TAS1R1: variants seen among roughly 807,000 people sequenced by gnomAD.
The protein encoded by TAS1R1 is taste receptor type 1 member 1.
In TAS1R1, 31 loss-of-function variants were observed where a neutral mutation model predicts 45.8. That is an observed-to-expected ratio of 0.68 (90% CI 0.51 to 0.91). The LOEUF (loss-of-function observed/expected upper bound fraction) is 0.91. Among genes scored for constraint, TAS1R1 ranks in the 40% least tolerant of loss-of-function variants. The pLI, the probability that TAS1R1 is intolerant of heterozygous loss-of-function variation, is 0.00. For missense variants in TAS1R1, 1,051 were observed against 1,063.9 expected, an observed-to-expected ratio of 0.99 and a Z score of 0.17; for synonymous variants, 437 against 448.4, an observed-to-expected ratio of 0.97 and a Z score of 0.32.
intron 1 of TAS1R1, among the ~76,000 whole-genome samples, chr1:6,570,688 C>A (rs1215543938): frequency 6.6e-6 from 1 of 152,192 alleles, no homozygotes; most frequent in African/African-American, 2.4e-5. Flanking sequence ...GGTTTCTCTG[C>A]TCCAGGACTT....
chr1:6,578,773 C>CAGCTAACACGCTGCTGCTGCT lies in TAS1R1; in HGVS notation c.1716_1736dup (p.Ala573_Leu579dup). 6 of 1,613,158 alleles carry CAGCTAACACGCTGCTGCTGCT rather than the reference C, an allele frequency of 3.7e-6. No individual in the cohort carries two copies. Among genetic ancestry groups the CAGCTAACACGCTGCTGCTGCT allele is most frequent in the Non-Finnish European group, 5.1e-6 (6 of 1,180,004 alleles). On this transcript the variant is annotated inframe_insertion, in exon 6 of 6. Coordinates refer to ENST00000333172, the MANE Select transcript of TAS1R1 (RefSeq NM_138697.4). Reference sequence around the variant, plus strand: ...GAGCACACCTCTTGGGTGCTGCTGGCAGCTAACACGCTGCTGCTGCTGCTG... The same window carrying CAGCTAACACGCTGCTGCTGCT: ...GAGCACACCTCTTGGGTGCTGCTGGCAGCTAACACGCTGCTGCTGCTAGCTAACACGCTGCTGCTGCTGCTG...
intron 1 of TAS1R1, among the ~76,000 whole-genome samples, chr1:6,570,671 T>C (rs1316695962): frequency 1.3e-5 from 2 of 152,204 alleles, no homozygotes; most frequent in African/African-American, 2.4e-5. Context: ...CACTGACTAA[T>C]GTAGCAGGTT....
chr1:6,575,428 G>A (rs1640142502), intron 3 of TAS1R1, 36 bp downstream of exon 3: 9 of 1,519,500 alleles, frequency 5.9e-6, no homozygotes, highest in Non-Finnish European at 7.0e-6. Flanking sequence ...CTGTCAGGGA[G>A]AACAGCCAAT....
Position 6,579,174 on chromosome 1 carries a change from G to A in TAS1R1, c.2116G>A (p.Ala706Thr), listed in dbSNP as rs753396925. 2 of 1,614,202 alleles carry A rather than the reference G, an allele frequency of 1.2e-6. No individual in the cohort carries two copies. Among genetic ancestry groups the A allele is most frequent in the Non-Finnish European group, 1.7e-6 (2 of 1,180,040 alleles). Reference protein sequence around the residue: ...TWLVVWTPLPAREYQRFPHLV... With the variant: ...TWLVVWTPLPTREYQRFPHLV... ...GCTGGTGGTGTGGACCCCACTGCCT[G>A]CTAGGGAATACCAGCGCTTCCCCCA... The change falls in exon 6 of 6, where the codon GCT (alanine) becomes ACT (threonine). Residue 706 changes from alanine to threonine, a missense_variant. Physicochemically the swap from Ala to Thr is moderately conservative, Grantham distance 58. Transcript: ENST00000333172.
intron 5 of TAS1R1, among the ~76,000 whole-genome samples, chr1:6,577,895 G>C (rs571173362): frequency 6.6e-6 from 1 of 152,276 alleles, no homozygotes; most frequent in East Asian, 1.9e-4. Flanking sequence ...TCCTCTGTTA[G>C]AGAGCTGTCA....
At position 6,577,193 on chromosome 1, in the gene TAS1R1, G is replaced by A; in HGVS notation, c.1594+123G>A. 2.8e-5 allele frequency: 40 copies of A among 1,425,984 alleles called. 1 individual carries two copies. Among genetic ancestry groups the A allele is most frequent in the Non-Finnish European group, 3.7e-5 (39 of 1,057,320 alleles). The allele number at this position is 1,425,984 out of a possible 1,614,324, so 88.3% of individuals were successfully genotyped here. On this transcript the variant is annotated intron_variant, in intron 5 of 5. Coordinates refer to ENST00000333172, the MANE Select transcript of TAS1R1 (RefSeq NM_138697.4). ...CCAAGGCCCAGTCACTGGGCTGCCA[G>A]TTAGCTTCAGGTTGGAGGACACCTG...
At position 6,575,412 on chromosome 1, in the gene TAS1R1, C is replaced by T. The variant is rs1305828265; in HGVS notation, c.1260+20C>T. 1 of 1,529,958 alleles carries T rather than the reference C, an allele frequency of 6.5e-7. No homozygotes were observed. The highest frequency in any genetic ancestry group is 1.3e-5 in the South Asian group (1 of 77,002). 94.8% of individuals were successfully genotyped at this position (1,529,958 alleles called of 1,614,324 possible). A position where few individuals can be genotyped will look rare whatever the true frequency, so the allele number is the denominator to read the frequency against. ...TGGCAGGTAAGAGAGCCCACCCCAGCACCTCCTGTCAGGGAGAACAGCCAA... is the reference window on the plus strand; with the variant it reads ...TGGCAGGTAAGAGAGCCCACCCCAGTACCTCCTGTCAGGGAGAACAGCCAA... On this transcript the variant is annotated intron_variant, in intron 3 of 5. Coordinates refer to ENST00000333172, the MANE Select transcript of TAS1R1 (RefSeq NM_138697.4).
intron 1 of TAS1R1, 21 bp downstream of exon 1, chr1:6,555,585 G>A: frequency 1.3e-6 from 2 of 1,538,174 alleles, no homozygotes; most frequent in Non-Finnish European, 1.8e-6. Context: ...GGCCAGCAGA[G>A]CCACACTTAG....
chr1:6,569,458 T>A (rs1639952700), intron 1 of TAS1R1, among the ~76,000 whole-genome samples: 1 of 152,188 alleles, frequency 6.6e-6, no homozygotes, highest in Non-Finnish European at 1.5e-5. Flanking sequence ...CATTGGGAGC[T>A]ATTGTCTAAC....
At chr1:6,561,429 G>A (rs1639786158) in intron 1 of TAS1R1, among the ~76,000 whole-genome samples, 1 of 152,074 alleles carries the variant, frequency 6.6e-6, no homozygotes, top group South Asian at 2.1e-4. Context: ...AGTCTATCTG[G>A]GGCCGGGCAC....
At position 6,571,099 on chromosome 1, in the gene TAS1R1, G is replaced by C. The variant is rs1640001978; in HGVS notation, c.382G>C (p.Glu128Gln). 2 of 1,614,118 alleles carry C rather than the reference G, an allele frequency of 1.2e-6. No homozygotes were observed. Among genetic ancestry groups the C allele is most frequent in the South Asian group, 2.2e-5 (2 of 91,076 alleles). The change falls in exon 2 of 6, where the codon GAG (glutamate) becomes CAG (glutamine). Residue 128 changes from glutamate to glutamine, a missense_variant. Transcript: ENST00000333172. Reference sequence around the variant, plus strand: ...CTCCCTGCCAGGGCAACACCACATAGAGCTCCAAGGAGACCTTCTCCACTA... The same window carrying C: ...CTCCCTGCCAGGGCAACACCACATACAGCTCCAAGGAGACCTTCTCCACTA... The part of the protein sequence containing the change: ...VLSLPGQHHI[E>Q]LQGDLLHYSP...
rs1173468863 is a variant in TAS1R1, at chr1:6,576,395, A to G, written c.1261-20A>G. 3.7e-6 allele frequency: 6 copies of G among 1,613,540 alleles called. No individual in the cohort carries two copies. In the Admixed American group the frequency reaches 5.0e-5, roughly 13 times the overall value. ...GGTCTGTGCTGTCTGTGGTGGCTTC[A>G]TGATACGCGTTTCTTTCAGCTTTTG... is the stretch of plus-strand genomic sequence containing the variant. On this transcript the variant is annotated intron_variant, in intron 3 of 5. Coordinates refer to ENST00000333172, the MANE Select transcript of TAS1R1 (RefSeq NM_138697.4).
chr1:6,566,137 G>A (rs918069735), intron 1 of TAS1R1, among the ~76,000 whole-genome samples: 1 of 152,176 alleles, frequency 6.6e-6, no homozygotes, highest in African/African-American at 2.4e-5. Context: ...ACGGCTGGGG[G>A]AAAGGTCTAA....
At chr1:6,575,933 A>T (rs1020697283) in intron 3 of TAS1R1, among the ~76,000 whole-genome samples, 4 of 152,108 alleles carry the variant, frequency 2.6e-5, no homozygotes, top group Admixed American at 1.3e-4. Flanking sequence ...TGACCTTGTC[A>T]TCCGCCCACC....
intron 1 of TAS1R1, among the ~76,000 whole-genome samples, chr1:6,559,969 A>G (rs1639753841): frequency 6.7e-6 from 1 of 148,458 alleles, no homozygotes; most frequent in Non-Finnish European, 1.5e-5. Flanking sequence ...CAGCCTGGAC[A>G]ACAAGGCAAC....
chr1:6,571,133 C>A lies in TAS1R1; in HGVS notation c.416C>A (p.Thr139Lys), dbSNP rs141817074. The A allele has an allele frequency of 4.6e-5, 74 of 1,612,854 alleles. No homozygotes were observed. Among genetic ancestry groups the A allele is most frequent in the Non-Finnish European group, 6.1e-5 (72 of 1,179,362 alleles). ...GGAGACCTTCTCCACTATTCCCCTA[C>A]GGTGCTGGCAGTGATTGGGCCTGAC... is the stretch of plus-strand genomic sequence containing the variant. ...LQGDLLHYSP[T>K]VLAVIGPDST... Residue 139 changes from threonine to lysine, a missense_variant, in exon 2 of 6, where the codon ACG becomes AAG. Physicochemically the swap from Thr to Lys is moderately conservative, Grantham distance 78 (BLOSUM62 -1). Coordinates refer to ENST00000333172, the MANE Select transcript of TAS1R1 (RefSeq NM_138697.4).
intron 1 of TAS1R1, among the ~76,000 whole-genome samples, chr1:6,568,436 G>A (rs1326200320): frequency 1.3e-5 from 2 of 149,512 alleles, no homozygotes; most frequent in African/African-American, 5.0e-5. Flanking sequence ...GCCTGGGCAA[G>A]AGTGTGAGAC....
chr1:6,579,196 C>T lies in TAS1R1; in HGVS notation c.2138C>T (p.Pro713Leu). 1.2e-6 allele frequency: 2 copies of T among 1,614,212 alleles called. No homozygotes were observed. Among genetic ancestry groups the T allele is most frequent in the Non-Finnish European group, 8.5e-7 (1 of 1,180,038 alleles). The change falls in exon 6 of 6, where the codon CCC (proline) becomes CTC (leucine). Residue 713 changes from proline to leucine, a missense_variant. Pro to Leu is a moderately conservative substitution (Grantham distance 98). Coordinates refer to ENST00000333172, the MANE Select transcript of TAS1R1 (RefSeq NM_138697.4). The stretch of plus-strand genomic sequence containing the variant: ...CCTGCTAGGGAATACCAGCGCTTCC[C>T]CCATCTGGTGATGCTTGAGTGCACA... ...PLPAREYQRF[P>L]HLVMLECTET...
chr1:6,574,695 C>G lies in TAS1R1; in HGVS notation c.563C>G (p.Thr188Ser). ...CGGCAGTATCCCTCTTTCCTGCGCA[C>G]CATCCCCAATGACAAGTACCAGGTG... ...VKRQYPSFLR[T>S]IPNDKYQVET... Residue 188 changes from threonine (T) to serine (S), a missense_variant, in exon 3 of 6, where the codon ACC (threonine) becomes AGC (serine). Thr to Ser is a moderately conservative substitution (Grantham distance 58). Transcript: ENST00000333172. This position sits in a 1 kb window ranked among gnomAD's most constrained non-coding sequence, Gnocchi z 4.3. The G allele has an allele frequency of 1.9e-6, 3 of 1,614,208 alleles. No homozygotes were observed. The highest frequency in any genetic ancestry group is 2.5e-6 in the Non-Finnish European group (3 of 1,180,016).
Sources: gnomAD v4.1 joint callset for allele counts (sites outside exome capture counted in the v4.1 genomes callset) on GRCh38, gnomAD v4.1.1 for gene constraint, Gnocchi (gnomAD v3.1) non-coding constraint, MANE v1.5 for transcripts, NCBI Gene and HGNC (gene_info 2026-07-23, HGNC 2026-07-21) for gene names.